Variants in VPS13D observed in about 807,000 individuals in gnomAD.
The protein encoded by VPS13D is vacuolar protein sorting 13 homolog D.
A neutral mutation model predicts 461.9 loss-of-function variants in VPS13D; 187 were observed. That is an observed-to-expected ratio of 0.40 (90% CI 0.36 to 0.46). The LOEUF (loss-of-function observed/expected upper bound fraction) is 0.46, where lower values mean the gene tolerates loss of function less well. VPS13D is among the 20% of genes least tolerant of loss of function. The probability of loss-of-function intolerance (pLI) is 0.60; values close to 1 mark genes in which losing one functional copy is unlikely to be tolerated. For synonymous variants in VPS13D, 1,951 were observed against 1,986.3 expected, an observed-to-expected ratio of 0.98 and a Z score of 0.47; for missense variants, 4,711 against 5,364.9, an observed-to-expected ratio of 0.88 and a Z score of 3.81.
chr1:12,497,581 G>A lies in VPS13D; in HGVS notation c.12744G>A (p.Ala4248=), dbSNP rs150143640. ...TTCCCCGATATTCTGAGAGCCAGGC[G>A]GAAGGACAGGAGCAGCTCTTCAAAC... ...GLLPRYSESQ[A]EGQEQLFKLT... Residue 4248 remains alanine (A), a synonymous_variant, in exon 68 of 70, where the codon GCG becomes GCA. Transcript: ENST00000620676. 90 of 1,614,040 alleles carry A rather than the reference G, an allele frequency of 5.6e-5. No homozygotes were observed. The highest frequency in any genetic ancestry group is 4.9e-4 in the East Asian group (22 of 44,882).
In VPS13D at chr1:12,354,047, C is replaced by G; in HGVS notation, c.9505C>G (p.Gln3169Glu). 1 of 1,614,154 alleles carries G rather than the reference C, an allele frequency of 6.2e-7. No homozygotes were observed. The highest frequency in any genetic ancestry group is 1.3e-5 in the African/African-American group (1 of 75,046). ...AAACATATTTTCTGACAGTGCAAAA[C>G]AGATTTTCAGACAGCCTGGGCATAC... ...PSNIFSDSAK[Q>E]IFRQPGHTIY... Residue 3169 changes from glutamine (Q) to glutamate (E), a missense_variant, in exon 47 of 70, where the codon CAG becomes GAG. Around this residue, in one of 3 missense-constraint regions of VPS13D, gnomAD observed 4,411 missense variants for 4,937.8 expected, o/e 0.89. Coordinates refer to ENST00000620676, the MANE Select transcript of VPS13D (RefSeq NM_015378.4).
chr1:12,267,780 G>A, intron 14 of VPS13D, 65 bp from the exon 15 acceptor site: 3 of 1,439,406 alleles, frequency 2.1e-6, no homozygotes, highest in South Asian at 2.3e-5. Flanking sequence ...GGTAAGATGG[G>A]TTTGTTTAGT....
intron 37 of VPS13D, among the ~76,000 whole-genome samples, chr1:12,331,644 G>A (rs1220889955): frequency 6.6e-6 from 1 of 150,394 alleles, no homozygotes; most frequent in East Asian, 1.9e-4. Flanking sequence ...CCCAGGAGGT[G>A]GAGATTACAG....
intron 63 of VPS13D, among the ~76,000 whole-genome samples, chr1:12,410,638 G>T (rs1256253688): frequency 1.3e-5 from 2 of 152,120 alleles, no homozygotes; most frequent in East Asian, 3.9e-4. Flanking sequence ...AAGTTTACCA[G>T]AAAACTATAA....
At chr1:12,250,959 C>T (rs1335015251) in intron 6 of VPS13D, among the ~76,000 whole-genome samples, 3 of 54,962 alleles carry the variant, frequency 5.5e-5, no homozygotes, top group African/African-American at 2.4e-4. Context: ...GTGTTGTCCA[C>T]GGTGGAGTAG....
chr1:12,399,406 A>G (rs967202900), intron 60 of VPS13D, among the ~76,000 whole-genome samples: 2 of 151,848 alleles, frequency 1.3e-5, no homozygotes, highest in African/African-American at 2.4e-5. Flanking sequence ...CATGTTGGCC[A>G]GGCTGGTCTC....
intron 25 of VPS13D, among the ~76,000 whole-genome samples, chr1:12,300,207 C>CTTTTTTTTTTTT (rs35299447): frequency 8.1e-6 from 1 of 123,350 alleles, no homozygotes. Flanking sequence ...ATTTGCTTTG[C>CTTTTTTTTTTTT]TTTTTTTTTT....
At chr1:12,359,744 C>T (rs1210478892) in intron 50 of VPS13D, among the ~76,000 whole-genome samples, 1 of 152,140 alleles carries the variant, frequency 6.6e-6, no homozygotes, top group Non-Finnish European at 1.5e-5. Context: ...TGTATTCATT[C>T]TCCCTTGACA....
intron 61 of VPS13D, 29 bp from the exon 62 acceptor site, chr1:12,401,579 A>G (rs368244621): frequency 3.2e-6 from 5 of 1,567,072 alleles, no homozygotes; most frequent in Non-Finnish European, 4.4e-6. Flanking sequence ...TGGTGTTCAC[A>G]CTTTAAATCA....
chr1:12,460,108 CTTAAG>C, intron 66 of VPS13D, 88 bp from the exon 67 acceptor site: 3 of 1,211,218 alleles, frequency 2.5e-6, no homozygotes, highest in Admixed American at 5.1e-5. Context: ...ATAGAATGGC[CTTAAG>C]TTATCATTCC....
intron 37 of VPS13D, 47 bp from the exon 38 acceptor site, chr1:12,333,179 C>T: frequency 6.3e-7 from 1 of 1,593,840 alleles, no homozygotes; most frequent in Non-Finnish European, 8.5e-7. Context: ...CCCCTATAAA[C>T]TCTTGATATC....
chr1:12,352,723 G>A (rs1643822752), intron 46 of VPS13D, among the ~76,000 whole-genome samples: 1 of 152,088 alleles, frequency 6.6e-6, no homozygotes, highest in African/African-American at 2.4e-5. Context: ...CCAGCACTTT[G>A]GGAGGCCAAG....
intron 60 of VPS13D, among the ~76,000 whole-genome samples, chr1:12,398,712 A>G (rs1381394084): frequency 2.0e-5 from 3 of 152,302 alleles, no homozygotes; most frequent in Admixed American, 6.5e-5. Flanking sequence ...AATAGAGTCA[A>G]CCCTAATGCC....
intron 23 of VPS13D, 37 bp from the exon 24 acceptor site, chr1:12,293,487 G>A (rs1557690967): frequency 6.5e-7 from 1 of 1,541,814 alleles, no homozygotes; most frequent in Non-Finnish European, 8.8e-7. Context: ...CTTGTGTCTT[G>A]CTGTTATCTG....
chr1:12,502,417 G>T lies in VPS13D; in HGVS notation c.12795-4436G>T, dbSNP rs1318820788. On this transcript the variant is annotated intron_variant, in intron 68 of 69. Coordinates refer to ENST00000620676, the MANE Select transcript of VPS13D (RefSeq NM_015378.4). The surrounding 1 kb of genome is among the most constrained non-coding windows in gnomAD (Gnocchi z 4.3). Reference sequence around the variant, plus strand: ...GAGGCTGGGGGTGCTGAAGAGCAAGGGTTGGAGAAGGAGCATCTCCCCAGT... The same window carrying T: ...GAGGCTGGGGGTGCTGAAGAGCAAGTGTTGGAGAAGGAGCATCTCCCCAGT... Among the ~76,000 whole-genome samples the T allele has an allele frequency of 6.6e-6, 1 of 152,088 alleles. No individual in the cohort carries two copies. Among genetic ancestry groups the T allele is most frequent in the Non-Finnish European group, 1.5e-5 (1 of 68,016 alleles).
chr1:12,247,307 G>A (rs987783343), intron 5 of VPS13D, among the ~76,000 whole-genome samples: 9 of 151,738 alleles, frequency 5.9e-5, no homozygotes, highest in Non-Finnish European at 1.2e-4. Flanking sequence ...CAGCTACTTG[G>A]TGGGGAGGCT....
chr1:12,385,879 G>C (rs928649342), intron 59 of VPS13D, among the ~76,000 whole-genome samples: 1 of 152,190 alleles, frequency 6.6e-6, no homozygotes, highest in Non-Finnish European at 1.5e-5. Flanking sequence ...CCCAAATAAG[G>C]TGAAAGATTA....
intron 2 of VPS13D, among the ~76,000 whole-genome samples, chr1:12,237,118 T>C (rs1169584729): frequency 4.0e-5 from 6 of 150,908 alleles, no homozygotes; most frequent in Non-Finnish European, 7.4e-5. Context: ...TATATATATA[T>C]ATCTGTGTGT....
At chr1:12,497,868 C>G (rs1412570774) in intron 68 of VPS13D, among the ~76,000 whole-genome samples, 2 of 152,136 alleles carry the variant, frequency 1.3e-5, no homozygotes, top group Non-Finnish European at 2.9e-5. Context: ...TGTTTTGTTT[C>G]TAGAAAATGA....
Sources: allele counts gnomAD v4.1 joint callset (sites outside exome capture counted in the v4.1 genomes callset), GRCh38; gene constraint gnomAD v4.1.1; regional missense constraint gnomAD v4.1.1; non-coding constraint Gnocchi (gnomAD v3.1); transcripts MANE v1.5; gene names NCBI Gene and HGNC (gene_info 2026-07-23, HGNC 2026-07-21).